HAPLN1: variants seen among roughly 807,000 people sequenced by gnomAD.
The protein encoded by HAPLN1 is hyaluronan and proteoglycan link protein 1.
Under a neutral mutation model 36.5 loss-of-function variants are expected in HAPLN1, and 13 were observed. That is an observed-to-expected ratio of 0.36 (90% confidence interval 0.23 to 0.57). The LOEUF (loss-of-function observed/expected upper bound fraction) is 0.57, where lower values mean the gene tolerates loss of function less well. HAPLN1 is among the 20% of genes least tolerant of loss of function. The pLI is 0.83. For synonymous variants in HAPLN1, 202 were observed against 169.8 expected (o/e 1.19, Z -1.48); for missense variants, 407 against 439.7 (o/e 0.93, Z 0.66).
At position 83,652,522 on chromosome 5, in the gene HAPLN1, C is replaced by A; in HGVS notation, c.403G>T (p.Gly135Trp). 6.2e-7 allele frequency: 1 copy of A among 1,614,086 alleles called. No individual in the cohort carries two copies. Among genetic ancestry groups the A allele is most frequent in the South Asian group, 1.1e-5 (1 of 91,074 alleles). The change falls in exon 3 of 5, where the codon GGG becomes TGG. Residue 135 changes from glycine to tryptophan, a missense_variant. Transcript: ENST00000274341. Reference protein sequence around the residue: ...VITDLTLEDYGRYKCEVIEGL... With the variant: ...VITDLTLEDYWRYKCEVIEGL... The stretch of plus-strand genomic sequence containing the variant: ...TCAATCACCTCACACTTATATCTCC[C>A]ATAATCTTCCAGAGTGAGGTCTGTG...
rs912696179 is a variant in HAPLN1, at chr5:83,660,990, T to A, written c.101-8166A>T. ...TGTGCCTGGTGTACAAAACAGCGTCTATCTTCTACACTGTCTTCTTTACCG... is the reference window on the plus strand; with the variant it reads ...TGTGCCTGGTGTACAAAACAGCGTCAATCTTCTACACTGTCTTCTTTACCG... On this transcript the variant is annotated intron_variant, in intron 2 of 4. Coordinates refer to ENST00000274341, the MANE Select transcript of HAPLN1 (RefSeq NM_001884.4). Among the ~76,000 whole-genome samples, 3 of 152,136 alleles carry A rather than the reference T, an allele frequency of 2.0e-5. No individual in the cohort carries two copies. The East Asian group carries it at 5.8e-4, about 29-fold the overall frequency.
At chr5:83,716,369 CAA>C (rs1384400981) in intron 1 of HAPLN1, among the ~76,000 whole-genome samples, 8 of 152,106 alleles carry the variant, frequency 5.3e-5, no homozygotes, top group African/African-American at 1.9e-4. Flanking sequence ...GTAAGTTTTC[CAA>C]GTTATTTTTA....
chr5:83,680,301 CAT>C (rs10548109), intron 1 of HAPLN1, among the ~76,000 whole-genome samples: 20,047 of 152,046 alleles, frequency 0.13, 2,296 homozygotes, highest in African/African-American at 0.31. Context: ...AGCAAAAGCA[CAT>C]GTCATATTTT....
chr5:83,690,192 T>C (rs1364020796), intron 1 of HAPLN1, among the ~76,000 whole-genome samples: 1 of 152,082 alleles, frequency 6.6e-6, no homozygotes, highest in African/African-American at 2.4e-5. Context: ...TGTTAAATTC[T>C]GAAAATACCC....
At chr5:83,689,529 A>T (rs968979055) in intron 1 of HAPLN1, among the ~76,000 whole-genome samples, 2 of 152,130 alleles carry the variant, frequency 1.3e-5, no homozygotes, top group African/African-American at 4.8e-5. Flanking sequence ...AGGGAATTAG[A>T]GTGCCCACAA....
intron 3 of HAPLN1, among the ~76,000 whole-genome samples, chr5:83,646,350 T>C (rs1749877201): frequency 6.6e-6 from 1 of 152,254 alleles, no homozygotes; most frequent in Non-Finnish European, 1.5e-5. Flanking sequence ...TGGTGAGTTA[T>C]AGCACATGTG....
chr5:83,671,462 GT>G (rs1750716820), intron 2 of HAPLN1, among the ~76,000 whole-genome samples: 1 of 152,096 alleles, frequency 6.6e-6, no homozygotes, highest in Non-Finnish European at 1.5e-5. Context: ...ATAAATAAAA[GT>G]TTTAAATATA....
intron 1 of HAPLN1, among the ~76,000 whole-genome samples, chr5:83,678,220 G>GGTGGGTGTGTGT (rs1554049530): frequency 7.0e-6 from 1 of 142,640 alleles, no homozygotes; most frequent in East Asian, 2.1e-4. Context: ...CTATAGTTTG[G>GGTGGGTGTGTGT]GTGTGTGTGT....
intron 1 of HAPLN1, among the ~76,000 whole-genome samples, chr5:83,686,221 T>A (rs1167227736): frequency 6.6e-6 from 1 of 151,548 alleles, no homozygotes; most frequent in Non-Finnish European, 1.5e-5. Flanking sequence ...CTTGCTAATT[T>A]AAAATTTGCC....
At chr5:83,710,846 G>T (rs1561325822) in intron 1 of HAPLN1, among the ~76,000 whole-genome samples, 2 of 152,190 alleles carry the variant, frequency 1.3e-5, no homozygotes, top group South Asian at 4.1e-4. Context: ...AGCTACTCTG[G>T]AGGGTGAGAC....
intron 1 of HAPLN1, among the ~76,000 whole-genome samples, chr5:83,713,432 T>C (rs979604541): frequency 6.6e-6 from 1 of 152,226 alleles, no homozygotes; most frequent in African/African-American, 2.4e-5. Flanking sequence ...GCATTAATCA[T>C]GTCAAAACTC....
chr5:83,691,048 A>T, intron 1 of HAPLN1, among the ~76,000 whole-genome samples: 1 of 152,086 alleles, frequency 6.6e-6, no homozygotes, highest in East Asian at 1.9e-4. Context: ...AAAAAACCAG[A>T]CACTCAAGAT....
chr5:83,683,440 TC>T (rs1258991295), intron 1 of HAPLN1, among the ~76,000 whole-genome samples: 1 of 152,162 alleles, frequency 6.6e-6, no homozygotes, highest in Non-Finnish European at 1.5e-5. Flanking sequence ...GCTTCTCTCT[TC>T]CATAATTTTC....
At chr5:83,682,639 G>A (rs1751033152) in intron 1 of HAPLN1, 2 of 152,082 alleles carry the variant, frequency 1.3e-5, no homozygotes, top group Non-Finnish European at 2.9e-5. Context: ...GACCTCATCA[G>A]AATTCAGTTC....
rs545911942 is a variant in HAPLN1, at chr5:83,673,553, C to A, written c.-26-4G>T. ...ATAGCCCAAAGAATCTTCTTCACTG[C>A]GAGAGCATCACATACAAAGAGGCTT... On this transcript the variant is annotated splice_polypyrimidine_tract_variant and splice_region_variant and intron_variant, in intron 1 of 4. Coordinates refer to ENST00000274341, the MANE Select transcript of HAPLN1 (RefSeq NM_001884.4). 3.3e-6 allele frequency: 5 copies of A among 1,498,794 alleles called. No individual in the cohort carries two copies. The highest frequency in any genetic ancestry group is 2.3e-5 in the East Asian group (1 of 44,254). The allele number at this position is 1,498,794 out of a possible 1,614,324, so 92.8% of individuals were successfully genotyped here.
intron 1 of HAPLN1, among the ~76,000 whole-genome samples, chr5:83,712,011 C>T (rs1464362103): frequency 6.6e-6 from 1 of 152,156 alleles, no homozygotes; most frequent in Non-Finnish European, 1.5e-5. Context: ...TACTAATTTG[C>T]AGACAGACTC....
chr5:83,702,484 C>T (rs1751530904), intron 1 of HAPLN1, among the ~76,000 whole-genome samples: 1 of 152,158 alleles, frequency 6.6e-6, no homozygotes, highest in Admixed American at 6.5e-5. Context: ...TAAAATTTAT[C>T]TCAGCACAGC....
At chr5:83,712,305 G>T (rs1013592241) in intron 1 of HAPLN1, among the ~76,000 whole-genome samples, 2 of 151,880 alleles carry the variant, frequency 1.3e-5, no homozygotes, top group African/African-American at 2.4e-5. Context: ...TGAATGTATG[G>T]TCCTTAATTT....
intron 1 of HAPLN1, among the ~76,000 whole-genome samples, chr5:83,712,907 T>A: frequency 6.7e-6 from 1 of 148,570 alleles, no homozygotes; most frequent in East Asian, 2.0e-4. Flanking sequence ...AGGAAGTTGC[T>A]GAGAAGTCCA....
Sources: allele counts gnomAD v4.1 joint callset (sites outside exome capture counted in the v4.1 genomes callset), GRCh38; gene constraint gnomAD v4.1.1; transcripts MANE v1.5; gene names NCBI Gene and HGNC (gene_info 2026-07-23, HGNC 2026-07-21).